SLC35F1: variants seen among roughly 807,000 people sequenced by gnomAD.
SLC35F1 encodes the protein solute carrier family 35 member F1.
A neutral mutation model predicts 48.7 loss-of-function variants in SLC35F1; 14 were observed. The ratio of observed to expected loss-of-function variants is 0.29; its 90% CI spans 0.19 to 0.45. SLC35F1 has a LOEUF of 0.45. Among genes scored for constraint, SLC35F1 ranks in the 20% least tolerant of loss-of-function variants. SLC35F1 has a pLI of 1.00. For synonymous variants in SLC35F1, 190 were observed against 202.2 expected, an observed-to-expected ratio of 0.94 and a Z score of 0.51; for missense variants, 404 against 500.0, an observed-to-expected ratio of 0.81 and a Z score of 1.83.
intron 1 of SLC35F1, among the ~76,000 whole-genome samples, chr6:117,961,556 CA>C (rs1776498711): frequency 1.3e-5 from 2 of 152,176 alleles, no homozygotes; most frequent in South Asian, 4.1e-4. Flanking sequence ...CCTATTCCTC[CA>C]CTCCTCCTCT....
At position 117,911,613 on chromosome 6, in the gene SLC35F1, T is replaced by A. The variant is rs563428434; in HGVS notation, c.173+3714T>A. Among the ~76,000 whole-genome samples, 17 of 152,006 alleles carry A rather than the reference T, an allele frequency of 1.1e-4. No individual in the cohort carries two copies. The East Asian group carries it at 1.4e-3, about 12-fold the overall frequency. ...ACCATGCCTGGCTATTTTTAAAAAA[T>A]TTTTAAATTTTTAGTAGAATCGAGG... is the stretch of plus-strand genomic sequence containing the variant. On this transcript the variant is annotated intron_variant, in intron 1 of 7. Coordinates refer to ENST00000360388, the MANE Select transcript of SLC35F1 (RefSeq NM_001029858.4).
intron 2 of SLC35F1, among the ~76,000 whole-genome samples, chr6:118,197,792 C>G (rs1253941983): frequency 6.6e-6 from 1 of 152,022 alleles, no homozygotes; most frequent in Non-Finnish European, 1.5e-5. Flanking sequence ...AAAATCACTG[C>G]TTTACATTTG....
intron 4 of SLC35F1, among the ~76,000 whole-genome samples, chr6:118,268,531 GATA>G (rs1310520041): frequency 6.9e-6 from 1 of 145,822 alleles, no homozygotes; most frequent in Non-Finnish European, 1.5e-5. Context: ...GGACCAATCA[GATA>G]ATATTTTTGT....
chr6:118,047,893 C>T (rs1185491471), intron 1 of SLC35F1, among the ~76,000 whole-genome samples: 3 of 152,118 alleles, frequency 2.0e-5, no homozygotes, highest in African/African-American at 7.2e-5. Context: ...TGCCTAATTG[C>T]CCTGGCCAGA....
intron 2 of SLC35F1, among the ~76,000 whole-genome samples, chr6:118,177,999 A>G (rs893317473): frequency 6.6e-6 from 1 of 152,002 alleles, no homozygotes; most frequent in Admixed American, 6.6e-5. Flanking sequence ...GTGTCAAATG[A>G]TCTCATGCTC....
intron 1 of SLC35F1, among the ~76,000 whole-genome samples, chr6:117,924,244 CAT>C (rs1375935321): frequency 7.1e-5 from 1 of 14,150 alleles, no homozygotes; most frequent in Non-Finnish European, 1.2e-4. Context: ...TATATACACA[CAT>C]AGGTACACAT....
rs753045449 is a variant in SLC35F1 at position 117,907,789 on chromosome 6, T to C, written c.63T>C (p.His21=). ...LQPPSPAPPN[H]VVTTIENLPA... Reference sequence around the variant, plus strand: ...CGCCGTCGCCAGCCCCGCCGAACCATGTGGTGACCACCATCGAGAACCTGC... The same window carrying C: ...CGCCGTCGCCAGCCCCGCCGAACCACGTGGTGACCACCATCGAGAACCTGC... Residue 21 remains histidine, a synonymous_variant, in exon 1 of 8, where the codon CAT becomes CAC. Coordinates refer to ENST00000360388, the MANE Select transcript of SLC35F1 (RefSeq NM_001029858.4). 10 of 1,558,716 alleles carry C rather than the reference T, an allele frequency of 6.4e-6. No homozygotes were observed. Among genetic ancestry groups the C allele is most frequent in the Non-Finnish European group, 8.6e-6 (10 of 1,161,772 alleles).
intron 2 of SLC35F1, among the ~76,000 whole-genome samples, chr6:118,181,312 C>G (rs776594435): frequency 8.5e-5 from 13 of 152,052 alleles, no homozygotes; most frequent in Admixed American, 2.0e-4. Flanking sequence ...TAGGCAAGAA[C>G]AGTATTCAAA....
chr6:118,227,450 T>C (rs913856245), intron 2 of SLC35F1, among the ~76,000 whole-genome samples: 4 of 152,178 alleles, frequency 2.6e-5, no homozygotes, highest in African/African-American at 4.8e-5. Flanking sequence ...CTGTTAAAAC[T>C]AGAAATATGG....
chr6:117,926,786 C>T (rs1216546763), intron 1 of SLC35F1, among the ~76,000 whole-genome samples: 1 of 152,076 alleles, frequency 6.6e-6, no homozygotes, highest in African/African-American at 2.4e-5. Context: ...ATTGGAGACA[C>T]TAAGCAGAAA....
chr6:117,976,506 T>G (rs1160676477), intron 1 of SLC35F1, among the ~76,000 whole-genome samples: 3 of 88,426 alleles, frequency 3.4e-5, no homozygotes, highest in Non-Finnish European at 6.6e-5. Flanking sequence ...TGTTTATTTT[T>G]TACTGTATTA....
chr6:118,236,547 A>G (rs935256805), intron 3 of SLC35F1, among the ~76,000 whole-genome samples: 1 of 151,954 alleles, frequency 6.6e-6, no homozygotes, highest in African/African-American at 2.4e-5. Flanking sequence ...AAAAAATTAG[A>G]TGAAATACAG....
chr6:118,082,139 A>G (rs1479899276), intron 1 of SLC35F1, among the ~76,000 whole-genome samples: 1 of 152,206 alleles, frequency 6.6e-6, no homozygotes, highest in African/African-American at 2.4e-5. Flanking sequence ...TGGAGCCTCA[A>G]CCTTTGAACA....
In SLC35F1 at chr6:117,921,735, A is replaced by G. The variant is rs73517528; in HGVS notation, c.173+13836A>G. Among the ~76,000 whole-genome samples, 1,450 of 152,326 alleles carry G rather than the reference A, an allele frequency of 9.5e-3. 25 individuals carry two copies. The highest frequency in any genetic ancestry group is 0.03 in the East Asian group (156 of 5,182). ...CCAAAGCAAAGAGACCCTAATTATT[A>G]CTTCCCTGGCCCCAAAGTTAATTCC... On this transcript the variant is annotated intron_variant, in intron 1 of 7. Coordinates refer to ENST00000360388, the MANE Select transcript of SLC35F1 (RefSeq NM_001029858.4).
At chr6:118,185,669 C>T (rs1774645528) in intron 2 of SLC35F1, among the ~76,000 whole-genome samples, 2 of 152,078 alleles carry the variant, frequency 1.3e-5, no homozygotes, top group Non-Finnish European at 2.9e-5. Flanking sequence ...TCCTGCACAA[C>T]CCCAGGAAGT....
intron 5 of SLC35F1, among the ~76,000 whole-genome samples, chr6:118,277,042 G>A (rs1364948810): frequency 6.6e-6 from 1 of 152,176 alleles, no homozygotes; most frequent in Non-Finnish European, 1.5e-5. Context: ...AATCCCTAGG[G>A]TTGGGACCAG....
At chr6:117,972,578 A>G (rs949827205) in intron 1 of SLC35F1, among the ~76,000 whole-genome samples, 16 of 152,354 alleles carry the variant, frequency 1.1e-4, no homozygotes, top group Non-Finnish European at 1.9e-4. Flanking sequence ...CCTCACAATC[A>G]TGGCAGAAGG....
At chr6:118,261,814 C>A (rs1390245913) in intron 3 of SLC35F1, among the ~76,000 whole-genome samples, 1 of 152,038 alleles carries the variant, frequency 6.6e-6, no homozygotes, top group African/African-American at 2.4e-5. Context: ...CCTCTCTCTG[C>A]TTTTCCTAAC....
intron 1 of SLC35F1, among the ~76,000 whole-genome samples, chr6:118,079,716 G>A (rs899553623): frequency 1.3e-5 from 2 of 152,086 alleles, no homozygotes; most frequent in South Asian, 2.1e-4. Flanking sequence ...TTGAATATGG[G>A]TACTTAAATA....
Sources: gnomAD v4.1 joint callset for allele counts (sites outside exome capture counted in the v4.1 genomes callset) on GRCh38, gnomAD v4.1.1 for gene constraint, MANE v1.5 for transcripts, NCBI Gene and HGNC (gene_info 2026-07-23, HGNC 2026-07-21) for gene names.